The following ARHGEF38 variants were observed in gnomAD, a reference collection of about 807,000 sequenced individuals.
ARHGEF38 encodes the protein Rho guanine nucleotide exchange factor 38, also known as Rho guanine nucleotide exchange factor (GEF) 38.
ARHGEF38 carries 79 observed loss-of-function variants against 79.9 expected under a neutral mutation model. The observed-to-expected ratio is 0.99, with a 90% CI of 0.82 to 1.19. The LOEUF (loss-of-function observed/expected upper bound fraction) is 1.19, where lower values mean the gene tolerates loss of function less well. Among genes scored for constraint, ARHGEF38 ranks in the 50% most tolerant of loss-of-function variants. The pLI is 0.00. For synonymous variants in ARHGEF38, 366 were observed against 328.3 expected (o/e 1.11, Z -1.24); for missense variants, 962 against 907.2 (o/e 1.06, Z -0.78).
intron 2 of ARHGEF38, among the ~76,000 whole-genome samples, chr4:105,589,704 T>C (rs369544620): frequency 1.7e-4 from 26 of 152,172 alleles, no homozygotes; most frequent in African/African-American, 5.8e-4. Flanking sequence ...GTGTGAAGTA[T>C]GGCTGAGGAA....
Position 105,648,676 on chromosome 4 carries a change from A to G in ARHGEF38, c.1002A>G (p.Glu334=), listed in dbSNP as rs1323977473. 1 of 1,510,304 alleles carries G rather than the reference A, an allele frequency of 6.6e-7. No homozygotes were observed. The highest frequency in any genetic ancestry group is 1.3e-5 in the South Asian group (1 of 79,848). The allele number at this position is 1,510,304 out of a possible 1,614,324, so 93.6% of individuals were successfully genotyped here. ...TNHLKILTRG[E]SQVKDNTFNR... is the part of the protein sequence containing the mutation. ...ATCTGAAGATTCTGACCAGAGGAGA[A>G]TCACAGGTAATTTTTCTTCTTGGAC... The change falls in exon 7 of 14, where the codon GAA becomes GAG. Residue 334 remains glutamate, a synonymous_variant. Transcript: ENST00000420470.
intron 3 of ARHGEF38, among the ~76,000 whole-genome samples, chr4:105,614,813 T>G (rs1728447098): frequency 6.6e-6 from 1 of 152,234 alleles, no homozygotes; most frequent in African/African-American, 2.4e-5. Flanking sequence ...GATTTGGTAC[T>G]GTACCACATT....
At chr4:105,570,206 G>C (rs1021043536) in intron 1 of ARHGEF38, 3 of 152,124 alleles carry the variant, frequency 2.0e-5, no homozygotes, top group Non-Finnish European at 2.9e-5. Context: ...TTAGAGTTGT[G>C]AGAAAGATAA....
intron 10 of ARHGEF38, among the ~76,000 whole-genome samples, chr4:105,663,974 A>C (rs1347215128): frequency 6.6e-6 from 1 of 151,572 alleles, no homozygotes; most frequent in Admixed American, 6.6e-5. Flanking sequence ...CCGTCTCAAA[A>C]AAAAAAAAAA....
chr4:105,609,455 G>A (rs1322503871), intron 2 of ARHGEF38, among the ~76,000 whole-genome samples: 1 of 151,902 alleles, frequency 6.6e-6, no homozygotes, highest in Non-Finnish European at 1.5e-5. Context: ...AGAATTTGAA[G>A]AAGACATGGA....
Position 105,645,234 on chromosome 4 carries a change from A to G in ARHGEF38, c.721A>G (p.Ile241Val). ...LDMGSLMIKPIQRVMKYPLLL... is the reference protein window; with the variant it reads ...LDMGSLMIKPVQRVMKYPLLL... The stretch of plus-strand genomic sequence containing the variant: ...CATGGGCTCTTTGATGATCAAACCA[A>G]TTCAACGTGTGATGAAATACCCCCT... Residue 241 changes from isoleucine (I) to valine (V), a missense_variant, in exon 6 of 14, where the codon ATT (isoleucine) becomes GTT (valine). By Grantham distance (29) the Ile-to-Val change is conservative. Coordinates refer to ENST00000420470, the MANE Select transcript of ARHGEF38 (RefSeq NM_001242729.2). 6.5e-7 allele frequency: 1 copy of G among 1,535,314 alleles called. No individual in the cohort carries two copies. Among genetic ancestry groups the G allele is most frequent in the Admixed American group, 2.0e-5 (1 of 50,660 alleles).
intron 1 of ARHGEF38, among the ~76,000 whole-genome samples, chr4:105,572,086 G>A (rs1383956443): frequency 6.6e-6 from 1 of 152,102 alleles, no homozygotes; most frequent in Non-Finnish European, 1.5e-5. Context: ...CTTCAACTCT[G>A]CATCTTTATA....
intron 7 of ARHGEF38, among the ~76,000 whole-genome samples, chr4:105,652,112 T>C (rs1730128620): frequency 6.6e-6 from 1 of 152,216 alleles, no homozygotes; most frequent in African/African-American, 2.4e-5. Context: ...GGCAGCCAAG[T>C]GTCCAACTTG....
intron 4 of ARHGEF38, among the ~76,000 whole-genome samples, chr4:105,636,146 A>T (rs1729388404): frequency 6.6e-6 from 1 of 152,090 alleles, no homozygotes; most frequent in Admixed American, 6.6e-5. Flanking sequence ...TGGAAACCAA[A>T]GCCCACAGTG....
At chr4:105,666,351 A>T (rs1264249074) in intron 11 of ARHGEF38, 31 bp downstream of exon 11, 5 of 1,495,756 alleles carry the variant, frequency 3.3e-6, no homozygotes, top group Non-Finnish European at 4.4e-6. Flanking sequence ...GACAATGATA[A>T]CTTTCACCTC....
At chr4:105,645,670 C>T (rs1222247952) in intron 6 of ARHGEF38, among the ~76,000 whole-genome samples, 1 of 152,150 alleles carries the variant, frequency 6.6e-6, no homozygotes, top group Non-Finnish European at 1.5e-5. Flanking sequence ...CTGAAGAAAC[C>T]CATTGCATAT....
Position 105,589,396 on chromosome 4 carries a change from G to T in ARHGEF38, c.345G>T (p.Leu115=). 6.2e-7 allele frequency: 1 copy of T among 1,612,926 alleles called. No individual in the cohort carries two copies. The highest frequency in any genetic ancestry group is 2.2e-5 in the East Asian group (1 of 44,886). The change falls in exon 2 of 14, where the codon CTG becomes CTT. Residue 115 remains leucine, a synonymous_variant. Transcript: ENST00000420470. ...TEKDYLNDLE[L]CVREVVQPLR... is the part of the protein sequence containing the mutation. ...AGGATTATCTCAATGATCTAGAGCT[G>T]TGTGTTAGGGAAGTGGTTCAGCCCC...
intron 4 of ARHGEF38, among the ~76,000 whole-genome samples, chr4:105,634,011 TC>T (rs1729300509): frequency 6.6e-6 from 1 of 152,172 alleles, no homozygotes; most frequent in Admixed American, 6.5e-5. Flanking sequence ...TTGAATCCTT[TC>T]ATAACGTGAG....
intron 2 of ARHGEF38, among the ~76,000 whole-genome samples, chr4:105,599,694 G>A: frequency 6.6e-6 from 1 of 152,102 alleles, no homozygotes; most frequent in East Asian, 1.9e-4. Context: ...TCAGTACAGG[G>A]CGATAAATCC....
At chr4:105,653,256 G>GA (rs1730181639) in intron 7 of ARHGEF38, among the ~76,000 whole-genome samples, 1 of 151,902 alleles carries the variant, frequency 6.6e-6, no homozygotes, top group East Asian at 1.9e-4. Context: ...TATCTTAACA[G>GA]AAGGACTATT....
At chr4:105,624,303 G>A (rs1728857088) in intron 3 of ARHGEF38, among the ~76,000 whole-genome samples, 1 of 152,206 alleles carries the variant, frequency 6.6e-6, no homozygotes, top group Non-Finnish European at 1.5e-5. Context: ...GTTATGATCT[G>A]AAGCTAGAGC....
At chr4:105,565,403 G>C (rs1725838112) in intron 1 of ARHGEF38, among the ~76,000 whole-genome samples, 2 of 152,204 alleles carry the variant, frequency 1.3e-5, no homozygotes, top group Admixed American at 1.3e-4. Flanking sequence ...TTTACTGTGT[G>C]AAACGTATGT....
At chr4:105,664,172 T>C (rs1176861862) in intron 10 of ARHGEF38, among the ~76,000 whole-genome samples, 1 of 152,252 alleles carries the variant, frequency 6.6e-6, no homozygotes, top group Non-Finnish European at 1.5e-5. Flanking sequence ...GTGGGATTGC[T>C]GAATCATATG....
rs761508955 is a variant in ARHGEF38, at chr4:105,552,957, A to G, written c.192A>G (p.Leu64=). The change falls in exon 1 of 14, where the codon TTA becomes TTG. Residue 64 remains leucine (L), a synonymous_variant. Transcript: ENST00000420470. ...ACAGGACCGAATACAACCAGAAATT[A>G]CAAGGTAACCAAAAAGAAATCAATT... ...QSDRTEYNQK[L]QEKMTPQGEC... The G allele has an allele frequency of 1.2e-6, 2 of 1,605,526 alleles. No homozygotes were observed. The highest frequency in any genetic ancestry group is 2.2e-5 in the South Asian group (2 of 89,240).
Sources: allele counts gnomAD v4.1 joint callset (sites outside exome capture counted in the v4.1 genomes callset), GRCh38; gene constraint gnomAD v4.1.1; transcripts MANE v1.5; gene names NCBI Gene and HGNC (gene_info 2026-07-23, HGNC 2026-07-21).